CORO2B: variants seen among roughly 807,000 people sequenced by gnomAD.
The protein encoded by CORO2B is coronin-2B.
Under a neutral mutation model 58.8 loss-of-function variants are expected in CORO2B, and 26 were observed. The observed-to-expected ratio is 0.44, with a 90% CI of 0.32 to 0.61. CORO2B has a LOEUF of 0.61. CORO2B is among the 20% of genes least tolerant of loss of function. The pLI is 0.04. For synonymous variants in CORO2B, 242 were observed against 253.8 expected (o/e 0.95, Z 0.44); for missense variants, 460 against 645.1 (o/e 0.71, Z 3.11).
intron 1 of CORO2B, among the ~76,000 whole-genome samples, chr15:68,589,052 AT>A (rs1485430311): frequency 6.6e-6 from 1 of 152,208 alleles, no homozygotes. Flanking sequence ...TGCCTTACTC[AT>A]TAAAAGATCT....
intron 2 of CORO2B, among the ~76,000 whole-genome samples, chr15:68,679,800 CTGGTCA>C (rs1902712443): frequency 6.6e-6 from 1 of 152,214 alleles, no homozygotes; most frequent in Non-Finnish European, 1.5e-5. Flanking sequence ...TGGGGAGGGA[CTGGTCA>C]TCTCAGCATG....
Position 68,579,036 on chromosome 15 carries a change from TA to T in CORO2B, c.-224del. 3.0e-6 allele frequency: 3 copies of T among 984,468 alleles called. No individual in the cohort carries two copies. Among genetic ancestry groups the T allele is most frequent in the Non-Finnish European group, 3.6e-6 (3 of 829,660 alleles). 61.0% of individuals were successfully genotyped at this position (984,468 alleles called of 1,614,324 possible). On this transcript the variant is annotated 5_prime_UTR_variant, in exon 1 of 12. The change creates a new upstream start codon in the 5' untranslated region. Transcript: ENST00000261861. The stretch of plus-strand genomic sequence containing the variant: ...TGCGGCGAAGGAGGCTCATCTATTA[TA>T]AATGCACATTCGGGGCTGACATCAG...
chr15:68,704,039 TACACACACACACACACACAC>T (rs10566834), intron 3 of CORO2B, among the ~76,000 whole-genome samples: 38 of 128,036 alleles, frequency 3.0e-4, no homozygotes, highest in African/African-American at 1.1e-3. Context: ...TACACACACA[TACACACACACACACACACAC>T]ACACACACAC....
At chr15:68,724,891 C>T (rs566474496) in intron 11 of CORO2B, among the ~76,000 whole-genome samples, 13 of 152,120 alleles carry the variant, frequency 8.5e-5, no homozygotes, top group East Asian at 1.9e-4. Flanking sequence ...GAAATGGAGG[C>T]GGGTTAAGCT....
intron 1 of CORO2B, among the ~76,000 whole-genome samples, chr15:68,637,996 T>G (rs1047804696): frequency 6.6e-6 from 1 of 152,144 alleles, no homozygotes; most frequent in Non-Finnish European, 1.5e-5. Flanking sequence ...AGTGATTATC[T>G]CAGAGGGGAG....
intron 1 of CORO2B, among the ~76,000 whole-genome samples, chr15:68,600,751 A>C (rs1336885844): frequency 6.6e-6 from 1 of 152,198 alleles, no homozygotes; most frequent in Non-Finnish European, 1.5e-5. Context: ...ACATTTGAGG[A>C]AATGAAAACA....
At chr15:68,576,618 T>A (rs1899293568), upstream of CORO2B, among the ~76,000 whole-genome samples, 1 of 151,968 alleles carries the variant, frequency 6.6e-6, no homozygotes, top group Admixed American at 6.6e-5. Context: ...CCTTTAAAGG[T>A]TTCCGATGGG....
At chr15:68,707,269 A>G (rs1358931539) in intron 3 of CORO2B, among the ~76,000 whole-genome samples, 1 of 152,202 alleles carries the variant, frequency 6.6e-6, no homozygotes, top group Non-Finnish European at 1.5e-5. Flanking sequence ...CAGTTTTTTA[A>G]AGGTATAGTT....
chr15:68,696,443 G>T (rs951678456), intron 3 of CORO2B, among the ~76,000 whole-genome samples: 1 of 151,858 alleles, frequency 6.6e-6, no homozygotes, highest in Non-Finnish European at 1.5e-5. Flanking sequence ...CAGCTATTCG[G>T]AAGGCTGAGG....
At chr15:68,608,836 C>G (rs1566984050) in intron 1 of CORO2B, among the ~76,000 whole-genome samples, 1 of 152,188 alleles carries the variant, frequency 6.6e-6, no homozygotes, top group Non-Finnish European at 1.5e-5. Flanking sequence ...ATTCCGCACT[C>G]TCATCCTCAG....
At chr15:68,715,190 T>A (rs1351169367) in intron 7 of CORO2B, 25 bp from the exon 8 acceptor site, 4 of 1,607,936 alleles carry the variant, frequency 2.5e-6, no homozygotes, top group Middle Eastern at 1.7e-4. Flanking sequence ...GCCACCTTCC[T>A]CAACTCCATC....
At chr15:68,680,942 G>A (rs1470055083) in intron 2 of CORO2B, among the ~76,000 whole-genome samples, 6 of 152,202 alleles carry the variant, frequency 3.9e-5, no homozygotes, top group Admixed American at 2.0e-4. Flanking sequence ...GGCCGGGCGC[G>A]GTGGCTCACG....
chr15:68,559,895 T>TG, the CORO2B span, among the ~76,000 whole-genome samples: 1 of 152,344 alleles, frequency 6.6e-6, no homozygotes, highest in South Asian at 2.1e-4. The surrounding 1 kb of genome is among the most constrained non-coding windows in gnomAD (Gnocchi z 4.3). Context: ...GTGTGCCGGT[T>TG]GGGGTCCTCT....
At chr15:68,559,481 C>A in the CORO2B span, 2 of 496,422 alleles carry the variant, frequency 4.0e-6, no homozygotes, top group Non-Finnish European at 5.2e-6. The surrounding 1 kb of genome is among the most constrained non-coding windows in gnomAD (Gnocchi z 4.3). Flanking sequence ...AGTCTTGAGT[C>A]TGGGAACGGA....
At chr15:68,647,024 C>A (rs1021883935) in intron 2 of CORO2B, among the ~76,000 whole-genome samples, 1 of 152,198 alleles carries the variant, frequency 6.6e-6, no homozygotes, top group Non-Finnish European at 1.5e-5. Flanking sequence ...ATCGCCGGCA[C>A]CCTGCCATGC....
intron 1 of CORO2B, among the ~76,000 whole-genome samples, chr15:68,639,206 C>T (rs1004843860): frequency 3.3e-5 from 5 of 152,116 alleles, no homozygotes; most frequent in Admixed American, 1.3e-4. Context: ...GGCTCTTGCC[C>T]CCCTACCATA....
Position 68,715,177 on chromosome 15 carries a change from C to T in CORO2B, c.871-38C>T, listed in dbSNP as rs778002580. 18 of 1,582,064 alleles carry T rather than the reference C, an allele frequency of 1.1e-5. No homozygotes were observed. In the South Asian group the frequency reaches 1.9e-4, roughly 17 times the overall value. ...ACCAGGCCCTGCTCTGCCCTCCCTA[C>T]CTGCCACCTTCCTCAACTCCATCTC... On this transcript the variant is annotated intron_variant, in intron 7 of 11. Transcript: ENST00000261861.
chr15:68,647,019 CGG>C (rs1428920721), intron 2 of CORO2B, among the ~76,000 whole-genome samples: 1 of 152,180 alleles, frequency 6.6e-6, no homozygotes, highest in Non-Finnish European at 1.5e-5. Flanking sequence ...AACCTATCGC[CGG>C]CACCCTGCCA....
chr15:68,637,849 T>C (rs1901080855), intron 1 of CORO2B, among the ~76,000 whole-genome samples: 1 of 152,176 alleles, frequency 6.6e-6, no homozygotes, highest in African/African-American at 2.4e-5. Context: ...AAAAAACTGC[T>C]CTCTTACATT....
Sources: gnomAD v4.1 joint callset for allele counts (sites outside exome capture counted in the v4.1 genomes callset) on GRCh38, gnomAD v4.1.1 for gene constraint, Gnocchi (gnomAD v3.1) non-coding constraint, MANE v1.5 for transcripts, NCBI Gene and HGNC (gene_info 2026-07-23, HGNC 2026-07-21) for gene names.